The following BBOX1 variants were observed in gnomAD, a reference collection of about 807,000 sequenced individuals.
BBOX1 encodes the protein gamma-butyrobetaine hydroxylase 1.
Under a neutral mutation model 41.6 loss-of-function variants are expected in BBOX1, and 35 were observed. The ratio of observed to expected loss-of-function variants is 0.84; its 90% confidence interval spans 0.64 to 1.11. The LOEUF (loss-of-function observed/expected upper bound fraction) is 1.11. Among genes scored for constraint, BBOX1 ranks in the 50% most tolerant of loss-of-function variants. The pLI is 0.00. For synonymous variants in BBOX1, 163 were observed against 154.7 expected (o/e 1.05, Z -0.40); for missense variants, 458 against 460.6 (o/e 0.99, Z 0.05).
rs761196390 is a variant in BBOX1, at chr11:27,055,483, A to C, written c.53A>C (p.Gln18Pro). The change falls in exon 3 of 9, where the codon CAG (glutamine) becomes CCG (proline). Residue 18 changes from glutamine to proline, a missense_variant. Physicochemically the swap from Gln to Pro is moderately conservative, Grantham distance 76. Transcript: ENST00000263182. ...GCACTTGACGGGGCTCATTTGATGC[A>C]GATCCTCTGGTATGATGAGGAAGAG... ...AEALDGAHLMQILWYDEEESL... is the reference protein window; with the variant it reads ...AEALDGAHLMPILWYDEEESL... 5 of 1,614,204 alleles carry C rather than the reference A, an allele frequency of 3.1e-6. No homozygotes were observed. The highest frequency in any genetic ancestry group is 4.2e-6 in the Non-Finnish European group (5 of 1,180,040).
At chr11:27,087,826 C>T (rs1219256480) in intron 4 of BBOX1, among the ~76,000 whole-genome samples, 3 of 151,998 alleles carry the variant, frequency 2.0e-5, no homozygotes, top group Non-Finnish European at 4.4e-5. Flanking sequence ...AACTAGAGCA[C>T]TCCAACAGAG....
chr11:27,058,635 AGCAAAGGTCACATAT>A (rs1325728110), intron 4 of BBOX1, among the ~76,000 whole-genome samples: 1 of 152,224 alleles, frequency 6.6e-6, no homozygotes, highest in Non-Finnish European at 1.5e-5. Flanking sequence ...TGGGAAGTGA[AGCAAAGGTCACATAT>A]GCTATGCCTT....
rs1270672559 is a variant in BBOX1 at position 27,127,280 on chromosome 11, A to G, written c.1004-13A>G. On this transcript the variant is annotated splice_polypyrimidine_tract_variant and intron_variant, in intron 8 of 8. Coordinates refer to ENST00000263182, the MANE Select transcript of BBOX1 (RefSeq NM_003986.3). ...CACACAATTATTCATATTGGAAAAA[A>G]TCTTTTCTTTAGGTGATGTGATTAC... The G allele has an allele frequency of 1.2e-6, 2 of 1,611,880 alleles. No individual in the cohort carries two copies. The highest frequency in any genetic ancestry group is 8.5e-7 in the Non-Finnish European group (1 of 1,179,390).
chr11:27,043,459 C>T (rs11029798), intron 2 of BBOX1, among the ~76,000 whole-genome samples: 79,282 of 151,074 alleles, frequency 0.52, 21,278 homozygotes, highest in African/African-American at 0.63. Flanking sequence ...TTGGGGTACA[C>T]GTGCAGAATG....
intron 5 of BBOX1, among the ~76,000 whole-genome samples, chr11:27,103,104 C>T (rs188235282): frequency 6.6e-6 from 1 of 152,054 alleles, no homozygotes; most frequent in Non-Finnish European, 1.5e-5. Flanking sequence ...GCAGGAGAAT[C>T]TCTTGAACCC....
chr11:27,093,294 G>A lies in BBOX1; in HGVS notation c.461G>A (p.Gly154Glu), dbSNP rs753618329. The stretch of plus-strand genomic sequence containing the variant: ...AAAGTAGGCATAGTAAGACTCACCG[G>A]AGCATCTGACAAACCAGGAGAAGTT... Reference protein sequence around the residue: ...LKKVGIVRLTGASDKPGEVSK... With the variant: ...LKKVGIVRLTEASDKPGEVSK... The change falls in exon 5 of 9, where the codon GGA becomes GAA. Residue 154 changes from glycine to glutamate, a missense_variant. Transcript: ENST00000263182. 4 of 1,612,516 alleles carry A rather than the reference G, an allele frequency of 2.5e-6. No individual in the cohort carries two copies. The Admixed American group carries it at 6.7e-5, about 27-fold the overall frequency.
Position 27,119,687 on chromosome 11 carries a change from G to C in BBOX1, c.678G>C (p.Gly226=). The C allele has an allele frequency of 6.4e-7, 1 of 1,566,614 alleles. No individual in the cohort carries two copies. Among genetic ancestry groups the C allele is most frequent in the South Asian group, 1.2e-5 (1 of 82,154 alleles). Residue 226 remains glycine (G), a synonymous_variant, in exon 7 of 9, where the codon GGG becomes GGC. Coordinates refer to ENST00000263182, the MANE Select transcript of BBOX1 (RefSeq NM_003986.3). The stretch of plus-strand genomic sequence containing the variant: ...ACTGCATAAAGCAAACAGTCACAGG[G>C]GGTGATTCAGAAATTGTAGATGGGT... ...LLHCIKQTVT[G]GDSEIVDGFN...
chr11:27,094,269 C>T (rs1211096192), intron 5 of BBOX1, among the ~76,000 whole-genome samples: 2 of 152,044 alleles, frequency 1.3e-5, no homozygotes, highest in East Asian at 3.9e-4. Context: ...GGGAGTATAA[C>T]TGTATTTCTT....
intron 2 of BBOX1, among the ~76,000 whole-genome samples, chr11:27,052,079 C>T (rs986404850): frequency 2.0e-5 from 3 of 151,878 alleles, no homozygotes; most frequent in Admixed American, 2.0e-4. Context: ...TTAATTTTCA[C>T]ATATTTGTGA....
At chr11:27,068,721 C>T (rs924491085) in intron 4 of BBOX1, among the ~76,000 whole-genome samples, 1 of 152,032 alleles carries the variant, frequency 6.6e-6, no homozygotes, top group Non-Finnish European at 1.5e-5. Flanking sequence ...CAATTTAAGT[C>T]TTTAATCCAT....
intron 2 of BBOX1, among the ~76,000 whole-genome samples, chr11:27,051,089 G>T (rs1328242927): frequency 6.6e-6 from 1 of 151,908 alleles, no homozygotes; most frequent in South Asian, 2.1e-4. Flanking sequence ...CTATTGAAAT[G>T]TCCACCTAAT....
At chr11:27,067,591 G>A (rs922863501) in intron 4 of BBOX1, among the ~76,000 whole-genome samples, 3 of 151,734 alleles carry the variant, frequency 2.0e-5, no homozygotes, top group African/African-American at 7.3e-5. Context: ...TTAGCCAGGC[G>A]TGGTGGCATG....
chr11:27,075,831 T>C (rs2083746), intron 4 of BBOX1, among the ~76,000 whole-genome samples: 152,096 of 152,248 alleles, frequency 1, 75,972 homozygotes, highest in Middle Eastern at 1. Context: ...TGAACTCCTA[T>C]GGGAGAAGCC....
At chr11:27,090,852 C>T (rs906196902) in intron 4 of BBOX1, among the ~76,000 whole-genome samples, 8 of 151,844 alleles carry the variant, frequency 5.3e-5, no homozygotes, top group African/African-American at 1.7e-4. Flanking sequence ...TATTAATATT[C>T]CTTGCTAGGA....
intron 4 of BBOX1, among the ~76,000 whole-genome samples, chr11:27,087,255 T>C (rs7926243): frequency 0.6 from 90,932 of 151,844 alleles, 29,868 homozygotes; most frequent in East Asian, 0.94. Context: ...AGAAATACTT[T>C]GTGAAAGAAA....
chr11:27,056,546 A>G (rs1856986547), intron 3 of BBOX1, among the ~76,000 whole-genome samples: 1 of 151,938 alleles, frequency 6.6e-6, no homozygotes, highest in Non-Finnish European at 1.5e-5. Context: ...ATAAGCCACC[A>G]CACCCAGCTG....
chr11:27,103,686 T>C (rs1055410580), intron 5 of BBOX1, among the ~76,000 whole-genome samples: 2 of 152,008 alleles, frequency 1.3e-5, no homozygotes, highest in African/African-American at 4.8e-5. Flanking sequence ...TTGGATTCAT[T>C]AGAAGTGGTT....
At chr11:27,087,683 A>G (rs1484927956) in intron 4 of BBOX1, among the ~76,000 whole-genome samples, 3 of 152,158 alleles carry the variant, frequency 2.0e-5, no homozygotes, top group East Asian at 3.9e-4. Flanking sequence ...ACTATGAAGA[A>G]TTTGAAAACT....
intron 4 of BBOX1, among the ~76,000 whole-genome samples, chr11:27,071,488 C>A (rs913848562): frequency 2.0e-5 from 3 of 151,824 alleles, no homozygotes; most frequent in African/African-American, 7.3e-5. Flanking sequence ...AAATTGTAAT[C>A]CACACGTGTG....
Sources: gnomAD v4.1 joint callset for allele counts (sites outside exome capture counted in the v4.1 genomes callset) on GRCh38, gnomAD v4.1.1 for gene constraint, MANE v1.5 for transcripts, NCBI Gene and HGNC (gene_info 2026-07-23, HGNC 2026-07-21) for gene names.